The following PLEKHG3 variants were observed in gnomAD, a reference collection of about 807,000 sequenced individuals.
The protein encoded by PLEKHG3 is pleckstrin homology and RhoGEF domain containing G3.
A neutral mutation model predicts 94.9 loss-of-function variants in PLEKHG3; 62 were observed. The observed-to-expected ratio is 0.65, with a 90% CI of 0.53 to 0.81. The LOEUF (loss-of-function observed/expected upper bound fraction) is 0.81. Ranked by LOEUF, PLEKHG3 falls within the 30% of genes least tolerant of loss-of-function variation. The pLI is 0.00. For synonymous variants in PLEKHG3, 614 were observed against 654.0 expected, an observed-to-expected ratio of 0.94 and a Z score of 0.93; for missense variants, 1,461 against 1,619.3, an observed-to-expected ratio of 0.90 and a Z score of 1.68.
In PLEKHG3 at chr14:64,725,571, G is replaced by A. The variant is rs1208787590; in HGVS notation, c.-39-2022G>A. Among the ~76,000 whole-genome samples the A allele has an allele frequency of 6.6e-6, 1 of 152,186 alleles. No individual in the cohort carries two copies. Among genetic ancestry groups the A allele is most frequent in the Non-Finnish European group, 1.5e-5 (1 of 68,022 alleles). On this transcript the variant is annotated intron_variant, in intron 1 of 16. Transcript: ENST00000247226. This position sits in a 1 kb window ranked among gnomAD's most constrained non-coding sequence, Gnocchi z 5.0. ...AATTGTAAAGGCCCTTTTGAGGAGG[G>A]AGGAAAAAGCAACAGCCCTACAATT...
Position 64,737,865 on chromosome 14 carries a change from G to T in PLEKHG3, c.1404+490G>T, listed in dbSNP as rs941253091. ...GGGGGTCTTGTGCTCTGAACAGCATGCAGGCAGTGCTGGAACCCTCCTGGA... is the reference window on the plus strand; with the variant it reads ...GGGGGTCTTGTGCTCTGAACAGCATTCAGGCAGTGCTGGAACCCTCCTGGA... On this transcript the variant is annotated intron_variant, in intron 14 of 16. Coordinates refer to ENST00000247226, the MANE Select transcript of PLEKHG3 (RefSeq NM_001308147.2). The T allele has an allele frequency of 9.2e-6, 11 of 1,192,688 alleles. No individual in the cohort carries two copies. In the African/African-American group the frequency reaches 1.8e-4, roughly 19 times the overall value. The allele number at this position is 1,192,688 out of a possible 1,614,324, so 73.9% of individuals were successfully genotyped here.
rs780194762 is a variant in PLEKHG3 at position 64,749,729 on chromosome 14, C to T, written c.*6026C>T. On this transcript the variant is annotated 3_prime_UTR_variant, in exon 17 of 17. Transcript: ENST00000247226. The surrounding 1 kb of genome is among the most constrained non-coding windows in gnomAD (Gnocchi z 4.7). ...GACAAAGGGTTTCCTGTCATGGAGACACCTCTGGAGGGGGCGCTGGGCAGA... is the reference window on the plus strand; with the variant it reads ...GACAAAGGGTTTCCTGTCATGGAGATACCTCTGGAGGGGGCGCTGGGCAGA... 1.9e-6 allele frequency: 3 copies of T among 1,610,998 alleles called. No individual in the cohort carries two copies. Among genetic ancestry groups the T allele is most frequent in the Non-Finnish European group, 2.5e-6 (3 of 1,178,636 alleles).
chr14:64,704,877 G>A lies in PLEKHG3; in HGVS notation c.-40+173G>A, dbSNP rs1187648590. On this transcript the variant is annotated intron_variant, in intron 1 of 16. Transcript: ENST00000247226. This position sits in a 1 kb window ranked among gnomAD's most constrained non-coding sequence, Gnocchi z 5.6. ...CCTGGAACTGTGTTGGCTGCTTCCCGGGCCACCCTGCCGCAGAGTGCGCGA... is the reference window on the plus strand; with the variant it reads ...CCTGGAACTGTGTTGGCTGCTTCCCAGGCCACCCTGCCGCAGAGTGCGCGA... Among the ~76,000 whole-genome samples, 108 of 152,350 alleles carry A rather than the reference G, an allele frequency of 7.1e-4. No individual in the cohort carries two copies. Among genetic ancestry groups the A allele is most frequent in the Non-Finnish European group, 1.0e-4 (7 of 68,034 alleles).
intron 1 of PLEKHG3, among the ~76,000 whole-genome samples, chr14:64,713,439 T>C (rs893712706): frequency 6.6e-6 from 1 of 152,220 alleles, no homozygotes; most frequent in African/African-American, 2.4e-5. Flanking sequence ...CTTTTCTTCA[T>C]TGGAAGTTTT....
rs1566693926 is a variant in PLEKHG3 at position 64,716,468 on chromosome 14, CACACACACACACAA to C, written c.-39-11124_-39-11111del. Among the ~76,000 whole-genome samples the C allele has an allele frequency of 4.3e-5, 4 of 92,630 alleles. No homozygotes were observed. Among genetic ancestry groups the C allele is most frequent in the Admixed American group, 1.1e-4 (1 of 8,960 alleles). 60.8% of individuals were successfully genotyped at this position (92,630 alleles called of 152,430 possible). ...CACACACACACACACACACACACAA[CACACACACACACAA>C]CACACACACACACAACACACACACA... is the stretch of plus-strand genomic sequence containing the variant. On this transcript the variant is annotated intron_variant, in intron 1 of 16. Coordinates refer to ENST00000247226, the MANE Select transcript of PLEKHG3 (RefSeq NM_001308147.2). The surrounding 1 kb of genome is among the most constrained non-coding windows in gnomAD (Gnocchi z 5.0).
Position 64,739,651 on chromosome 14 carries a change from T to C in PLEKHG3, c.1518+796T>C, listed in dbSNP as rs373914828. ...GGTAGCTTAGTTATTGCTCACAGTT[T>C]TGGAGGCTGGAAATTCTAAGGTCAA... On this transcript the variant is annotated intron_variant, in intron 15 of 16. Transcript: ENST00000247226. This position sits in a 1 kb window ranked among gnomAD's most constrained non-coding sequence, Gnocchi z 4.1. Among the ~76,000 whole-genome samples the C allele has an allele frequency of 6.6e-5, 10 of 152,380 alleles. 1 individual carries two copies. The highest frequency in any genetic ancestry group is 5.9e-4 in the Admixed American group (9 of 15,312).
rs1594663953 is a variant in PLEKHG3, at chr14:64,715,350, A to T, written c.-40+10646A>T. Among the ~76,000 whole-genome samples, 1 of 152,296 alleles carries T rather than the reference A, an allele frequency of 6.6e-6. No individual in the cohort carries two copies. Among genetic ancestry groups the T allele is most frequent in the East Asian group, 1.9e-4 (1 of 5,184 alleles). On this transcript the variant is annotated intron_variant, in intron 1 of 16. Coordinates refer to ENST00000247226, the MANE Select transcript of PLEKHG3 (RefSeq NM_001308147.2). The surrounding 1 kb of genome is among the most constrained non-coding windows in gnomAD (Gnocchi z 4.4). ...AGGCACAGGGAGTGTGGATTCCAGC[A>T]AACCCTGGCTCCTCTACTTCCCTGA...
Position 64,742,234 on chromosome 14 carries a change from G to T in PLEKHG3, c.2717G>T (p.Arg906Leu). 1 of 1,613,012 alleles carries T rather than the reference G, an allele frequency of 6.2e-7. No individual in the cohort carries two copies. Among genetic ancestry groups the T allele is most frequent in the Non-Finnish European group, 8.5e-7 (1 of 1,179,972 alleles). The change falls in exon 16 of 17, where the codon CGC becomes CTC. Residue 906 changes from arginine (R) to leucine (L), a missense_variant. Physicochemically the swap from Arg to Leu is moderately radical, Grantham distance 102. Around this residue, in one of 3 missense-constraint regions of PLEKHG3, gnomAD observed 1,201 missense variants for 1,295.5 expected, o/e 0.93. Transcript: ENST00000247226. ...GAGCTGGTGGCCCCACTGCACCCCCGCATCGTGCAGCTCTCCCACGTAATG... is the reference window on the plus strand; with the variant it reads ...GAGCTGGTGGCCCCACTGCACCCCCTCATCGTGCAGCTCTCCCACGTAATG... ...QGELVAPLHPRIVQLSHVMDS... is the reference protein window; with the variant it reads ...QGELVAPLHPLIVQLSHVMDS...
At chr14:64,733,277 G>A (rs955169962) in intron 12 of PLEKHG3, among the ~76,000 whole-genome samples, 2 of 150,126 alleles carry the variant, frequency 1.3e-5, no homozygotes, top group South Asian at 2.1e-4. Flanking sequence ...CGATTCTCCT[G>A]CCTCAGCTTG....
At chr14:64,709,173 T>C (rs1028552218) in intron 1 of PLEKHG3, among the ~76,000 whole-genome samples, 1 of 152,172 alleles carries the variant, frequency 6.6e-6, no homozygotes, top group Non-Finnish European at 1.5e-5. Flanking sequence ...CCAGACAGCA[T>C]TGAGAATGGT....
chr14:64,713,248 T>C (rs1351700695), intron 1 of PLEKHG3, among the ~76,000 whole-genome samples: 2 of 152,214 alleles, frequency 1.3e-5, no homozygotes, highest in Non-Finnish European at 2.9e-5. Flanking sequence ...AATGTGGGAT[T>C]GTAGGTTTCT....
chr14:64,727,217 C>T lies in PLEKHG3; in HGVS notation c.-39-376C>T, dbSNP rs1289781636. Among the ~76,000 whole-genome samples the T allele has an allele frequency of 6.6e-6, 1 of 152,074 alleles. No individual in the cohort carries two copies. Among genetic ancestry groups the T allele is most frequent in the East Asian group, 1.9e-4 (1 of 5,180 alleles). On this transcript the variant is annotated intron_variant, in intron 1 of 16. Transcript: ENST00000247226. This position sits in a 1 kb window ranked among gnomAD's most constrained non-coding sequence, Gnocchi z 6.0. ...CAGCAGTGGGGCTGGGCTGTGAATT[C>T]CTTAGAGGGTACCTGGACCACTGTG...
intron 1 of PLEKHG3, among the ~76,000 whole-genome samples, chr14:64,710,721 A>T (rs1410407053): frequency 1.3e-5 from 2 of 151,982 alleles, no homozygotes; most frequent in African/African-American, 4.8e-5. Flanking sequence ...ACAAGCATAG[A>T]GGGGGAAAAA....
Position 64,738,734 on chromosome 14 carries a change from C to G in PLEKHG3, c.1405-8C>G. ...CTTGGAGTTGATGACTGACCTCTAC[C>G]TCTGCAGGGAAAGGGGCGCAGGGAG... is the stretch of plus-strand genomic sequence containing the variant. On this transcript the variant is annotated splice_region_variant and splice_polypyrimidine_tract_variant and intron_variant, in intron 14 of 16. Transcript: ENST00000247226. This position sits in a 1 kb window ranked among gnomAD's most constrained non-coding sequence, Gnocchi z 4.8. 6.4e-7 allele frequency: 1 copy of G among 1,560,384 alleles called. No homozygotes were observed. Among genetic ancestry groups the G allele is most frequent in the Non-Finnish European group, 8.7e-7 (1 of 1,148,406 alleles).
chr14:64,731,220 C>A lies in PLEKHG3; in HGVS notation c.849+51C>A. 1 of 1,543,934 alleles carries A rather than the reference C, an allele frequency of 6.5e-7. No homozygotes were observed. On this transcript the variant is annotated intron_variant, in intron 7 of 16. Transcript: ENST00000247226. This position sits in a 1 kb window ranked among gnomAD's most constrained non-coding sequence, Gnocchi z 6.1. Reference sequence around the variant, plus strand: ...GAGGGGCAGGGCTGGGTGGGCCAGGCTTCCGCTGGGAAGAGGGACTGTGGC... The same window carrying A: ...GAGGGGCAGGGCTGGGTGGGCCAGGATTCCGCTGGGAAGAGGGACTGTGGC...
At chr14:64,706,471 C>T (rs2080972513) in intron 1 of PLEKHG3, among the ~76,000 whole-genome samples, 2 of 152,204 alleles carry the variant, frequency 1.3e-5, no homozygotes, top group Non-Finnish European at 2.9e-5. Flanking sequence ...CCTGCTCTTC[C>T]TCATAGGAGC....
Position 64,725,014 on chromosome 14 carries a change from AGCTTAGTTT to A in PLEKHG3, c.-39-2576_-39-2568del, listed in dbSNP as rs1393969856. Among the ~76,000 whole-genome samples, 6 of 152,220 alleles carry A rather than the reference AGCTTAGTTT, an allele frequency of 3.9e-5. No homozygotes were observed. The highest frequency in any genetic ancestry group is 1.4e-4 in the African/African-American group (6 of 41,452). ...CTTTGTTTTAGCCTTAGGAGATAGGAGCTTAGTTTGCAGACAGGTAGCCTATGATCAATC... is the reference window on the plus strand; with the variant it reads ...CTTTGTTTTAGCCTTAGGAGATAGGAGCAGACAGGTAGCCTATGATCAATC... On this transcript the variant is annotated intron_variant, in intron 1 of 16. Transcript: ENST00000247226. This position sits in a 1 kb window ranked among gnomAD's most constrained non-coding sequence, Gnocchi z 5.0.
In PLEKHG3 at chr14:64,726,421, A is replaced by C. The variant is rs1483468660; in HGVS notation, c.-39-1172A>C. Reference sequence around the variant, plus strand: ...CCCAGGAACTTACTGTTTTCCTGTGAAATAGCAATGAAATGTGTACTCTGC... The same window carrying C: ...CCCAGGAACTTACTGTTTTCCTGTGCAATAGCAATGAAATGTGTACTCTGC... On this transcript the variant is annotated intron_variant, in intron 1 of 16. Coordinates refer to ENST00000247226, the MANE Select transcript of PLEKHG3 (RefSeq NM_001308147.2). This position sits in a 1 kb window ranked among gnomAD's most constrained non-coding sequence, Gnocchi z 5.1. Among the ~76,000 whole-genome samples, 1 of 152,120 alleles carries C rather than the reference A, an allele frequency of 6.6e-6. No individual in the cohort carries two copies. Among genetic ancestry groups the C allele is most frequent in the African/African-American group, 2.4e-5 (1 of 41,406 alleles).
Position 64,715,716 on chromosome 14 carries a change from C to T in PLEKHG3, c.-40+11012C>T, listed in dbSNP as rs777851863. The T allele has an allele frequency of 3.6e-6, 1 of 279,372 alleles. No homozygotes were observed. Among genetic ancestry groups the T allele is most frequent in the Non-Finnish European group, 7.0e-6 (1 of 142,074 alleles). The allele number at this position is 279,372 out of a possible 1,614,324, so 17.3% of individuals were successfully genotyped here. On this transcript the variant is annotated intron_variant, in intron 1 of 16. Transcript: ENST00000247226. The surrounding 1 kb of genome is among the most constrained non-coding windows in gnomAD (Gnocchi z 4.4). ...ATTCCTGCAGTTAGTATCCCCTGTG[C>T]TTAATTGCTGGAGGTTTGTGCAGGT...
Sources: gnomAD v4.1 joint callset for allele counts (sites outside exome capture counted in the v4.1 genomes callset) on GRCh38, gnomAD v4.1.1 for gene constraint, gnomAD v4.1.1 regional missense constraint, Gnocchi (gnomAD v3.1) non-coding constraint, MANE v1.5 for transcripts, NCBI Gene and HGNC (gene_info 2026-07-23, HGNC 2026-07-21) for gene names.